ESRRG: variants seen among roughly 807,000 people sequenced by gnomAD.
The protein encoded by ESRRG is estrogen-related receptor gamma.
Under a neutral mutation model 44.0 loss-of-function variants are expected in ESRRG, and 13 were observed. The observed-to-expected ratio is 0.30, with a 90% CI of 0.19 to 0.47. ESRRG has a LOEUF of 0.47. ESRRG is among the 20% of genes least tolerant of loss of function. ESRRG has a pLI of 1.00. For synonymous variants in ESRRG, 215 were observed against 214.6 expected (o/e 1.00, Z -0.02); for missense variants, 395 against 580.6 (o/e 0.68, Z 3.29).
chr1:217,002,857 C>A (rs1454245952), intron 1 of ESRRG, among the ~76,000 whole-genome samples: 1 of 152,222 alleles, frequency 6.6e-6, no homozygotes, highest in African/African-American at 2.4e-5. Context: ...GTGACTGCAA[C>A]CCCCTGGTGA....
intron 2 of ESRRG, among the ~76,000 whole-genome samples, chr1:216,730,736 G>A (rs2813708): frequency 0.97 from 148,036 of 152,266 alleles, 72,076 homozygotes; most frequent in Middle Eastern, 1. Flanking sequence ...AGAGTAATAT[G>A]GGAAAAATTT....
intron 2 of ESRRG, among the ~76,000 whole-genome samples, chr1:216,769,197 G>A (rs561323933): frequency 1.5e-4 from 23 of 152,154 alleles, no homozygotes; most frequent in African/African-American, 5.5e-4. Context: ...ATTATGGCAG[G>A]GAATGTTTGA....
chr1:217,063,999 AAC>A (rs1215932139), intron 1 of ESRRG, among the ~76,000 whole-genome samples: 1 of 152,086 alleles, frequency 6.6e-6, no homozygotes, highest in East Asian at 1.9e-4. Flanking sequence ...TCACCATATA[AAC>A]ACACACAATA....
At chr1:216,679,709 CCT>C (rs1482613355) in intron 1 of ESRRG, among the ~76,000 whole-genome samples, 1 of 146,720 alleles carries the variant, frequency 6.8e-6, no homozygotes, top group East Asian at 2.0e-4. Context: ...ATTTTTTTTC[CCT>C]CTCTCTCTTT....
At chr1:217,021,487 G>A (rs528899595) in intron 1 of ESRRG, among the ~76,000 whole-genome samples, 1 of 152,206 alleles carries the variant, frequency 6.6e-6, no homozygotes, top group Admixed American at 6.5e-5. Flanking sequence ...TGAAAAGGCA[G>A]ATATAAAATG....
intron 3 of ESRRG, among the ~76,000 whole-genome samples, chr1:216,569,886 G>T (rs1345583304): frequency 6.6e-6 from 1 of 152,080 alleles, no homozygotes; most frequent in Admixed American, 6.6e-5. Flanking sequence ...AAGCTACATA[G>T]CACATGCAGT....
At chr1:216,705,148 G>T (rs1257671414) in intron 1 of ESRRG, among the ~76,000 whole-genome samples, 2 of 152,086 alleles carry the variant, frequency 1.3e-5, no homozygotes, top group African/African-American at 4.8e-5. Flanking sequence ...ACCTGTCCAT[G>T]TGGTTTATCT....
intron 2 of ESRRG, among the ~76,000 whole-genome samples, chr1:216,653,410 C>T (rs1192845941): frequency 6.6e-6 from 1 of 152,180 alleles, no homozygotes; most frequent in Non-Finnish European, 1.5e-5. Context: ...ATTTGCCTTC[C>T]TGAATGAAAT....
At chr1:216,626,104 A>T (rs1389359322) in intron 3 of ESRRG, among the ~76,000 whole-genome samples, 4 of 152,178 alleles carry the variant, frequency 2.6e-5, no homozygotes, top group African/African-American at 9.7e-5. Context: ...ATTCTTGCCA[A>T]AATCAGCTTT....
At chr1:216,569,631 G>A (rs1456347493) in intron 3 of ESRRG, among the ~76,000 whole-genome samples, 2 of 152,102 alleles carry the variant, frequency 1.3e-5, no homozygotes, top group African/African-American at 4.8e-5. Flanking sequence ...CCAAATATAA[G>A]GACGACTGCT....
In ESRRG at chr1:217,072,946, A is replaced by T. The variant is rs78968178; in HGVS notation, c.-106+16561T>A. Among the ~76,000 whole-genome samples the T allele has an allele frequency of 5.8e-3, 876 of 152,134 alleles. 8 individuals are homozygous for T. The highest frequency in any genetic ancestry group is 0.02 in the African/African-American group (847 of 41,502). On this transcript the variant is annotated intron_variant, in intron 1 of 7. Transcript: ENST00000359162. ...ACAAATACCCATTGTCATTCATATG[A>T]TATCCAGTCATATGATATCTCCCAA...
intron 2 of ESRRG, among the ~76,000 whole-genome samples, chr1:216,798,485 C>T (rs989457209): frequency 2.0e-5 from 3 of 152,072 alleles, no homozygotes; most frequent in African/African-American, 7.2e-5. Flanking sequence ...ATGAAAAAGG[C>T]CTCCAGAAAG....
chr1:216,552,597 T>A (rs1453580085), intron 5 of ESRRG, among the ~76,000 whole-genome samples: 1 of 152,156 alleles, frequency 6.6e-6, no homozygotes, highest in Non-Finnish European at 1.5e-5. Flanking sequence ...AACTTATATA[T>A]GGGCATACTG....
chr1:216,902,477 C>T (rs967857406), intron 2 of ESRRG, among the ~76,000 whole-genome samples: 5 of 144,044 alleles, frequency 3.5e-5, no homozygotes, highest in African/African-American at 1.0e-4. Flanking sequence ...AACAGAGTCT[C>T]GAAAAAAAAG....
intron 5 of ESRRG, among the ~76,000 whole-genome samples, chr1:216,531,845 C>G (rs746830778): frequency 6.6e-6 from 1 of 152,086 alleles, no homozygotes; most frequent in African/African-American, 2.4e-5. Context: ...CTAACCTTCC[C>G]GCTTTGATCT....
At chr1:217,108,520 C>T (rs2092624868) in intron 1 of ESRRG, among the ~76,000 whole-genome samples, 1 of 152,028 alleles carries the variant, frequency 6.6e-6, no homozygotes, top group Admixed American at 6.6e-5. Context: ...GGAGGTGAAG[C>T]TTGGTGTGAG....
At chr1:216,617,503 G>GAA (rs5780897) in intron 3 of ESRRG, among the ~76,000 whole-genome samples, 6 of 138,434 alleles carry the variant, frequency 4.3e-5, no homozygotes, top group Admixed American at 7.4e-5. Context: ...TTGGCCTTTA[G>GAA]AAAAAAAAAA....
chr1:216,593,753 T>TG (rs1558699746), intron 3 of ESRRG, among the ~76,000 whole-genome samples: 2 of 152,144 alleles, frequency 1.3e-5, no homozygotes, highest in Non-Finnish European at 2.9e-5. Context: ...GTGTGTGTGT[T>TG]GGGGGGAACA....
At chr1:216,977,341 T>TACACACACACAC (rs1553749984) in intron 1 of ESRRG, among the ~76,000 whole-genome samples, 1,943 of 144,030 alleles carry the variant, frequency 0.013, 45 homozygotes, top group African/African-American at 0.048. Context: ...GGAGGATACA[T>TACACACACACAC]ACACACACAC....
Sources: allele counts gnomAD v4.1 joint callset (sites outside exome capture counted in the v4.1 genomes callset), GRCh38; gene constraint gnomAD v4.1.1; transcripts MANE v1.5; gene names NCBI Gene and HGNC (gene_info 2026-07-23, HGNC 2026-07-21).